ARFGAP2: variants seen among roughly 807,000 people sequenced by gnomAD.
ARFGAP2 encodes ADP-ribosylation factor GTPase-activating protein 2.
A neutral mutation model predicts 71.9 loss-of-function variants in ARFGAP2; 45 were observed. That is an observed-to-expected ratio of 0.63 (90% confidence interval 0.49 to 0.80). The LOEUF (loss-of-function observed/expected upper bound fraction) is 0.80, where lower values mean the gene tolerates loss of function less well. Ranked by LOEUF, ARFGAP2 falls within the 30% of genes least tolerant of loss-of-function variation. The pLI is 0.00. For missense variants in ARFGAP2, 633 were observed against 673.9 expected (o/e 0.94, Z 0.67); for synonymous variants, 248 against 249.2 (o/e 1.00, Z 0.05).
In ARFGAP2 at chr11:47,165,064, G is replaced by A. The variant is rs191448928; in HGVS notation, c.*418C>T. 4.6e-5 allele frequency: 8 copies of A among 173,252 alleles called. No individual in the cohort carries two copies. Among genetic ancestry groups the A allele is most frequent in the Admixed American group, 4.4e-4 (7 of 15,854 alleles). The allele number at this position is 173,252 out of a possible 1,614,324, so 10.7% of individuals were successfully genotyped here. A position where few individuals can be genotyped will look rare whatever the true frequency, so the allele number is the denominator to read the frequency against. On this transcript the variant is annotated 3_prime_UTR_variant, in exon 16 of 16. Coordinates refer to ENST00000524782, the MANE Select transcript of ARFGAP2 (RefSeq NM_032389.6). ...GGCCTCCCCCTGGTTCCAGAGGATG[G>A]GGACCCAAGGCCTCGAACTAGAAGA...
chr11:47,171,899 T>A, intron 8 of ARFGAP2, 99 bp from the exon 9 acceptor site: 1 of 1,507,388 alleles, frequency 6.6e-7, no homozygotes, highest in East Asian at 2.3e-5. Context: ...AAAAGGCCCT[T>A]CTTAAAATTT....
chr11:47,170,231 G>A (rs1213284691), intron 10 of ARFGAP2, among the ~76,000 whole-genome samples: 1 of 149,366 alleles, frequency 6.7e-6, no homozygotes, highest in Non-Finnish European at 1.5e-5. Context: ...GGCTGAGGCA[G>A]GAGAATTGCT....
At chr11:47,173,510 AT>A (rs1288675233) in intron 6 of ARFGAP2, 28 bp from the exon 7 acceptor site, 1 of 1,541,526 alleles carries the variant, frequency 6.5e-7, no homozygotes, top group Non-Finnish European at 8.8e-7. Context: ...GGAGTTAGAG[AT>A]GAGCTCCTAG....
In ARFGAP2 at chr11:47,166,348, T is replaced by A; in HGVS notation, c.1465A>T (p.Ile489Phe). Residue 489 changes from isoleucine (I) to phenylalanine (F), a missense_variant, in exon 15 of 16, where the codon ATT (isoleucine) becomes TTT (phenylalanine). Transcript: ENST00000524782. Reference sequence around the variant, plus strand: ...TTGACACCCTGCTTAAACTGGGCAATGTCCGCTGTAGGCAGCACGTTCCCC... The same window carrying A: ...TTGACACCCTGCTTAAACTGGGCAAAGTCCGCTGTAGGCAGCACGTTCCCC... The part of the protein sequence containing the change: ...SLGNVLPTAD[I>F]AQFKQGVKSV... 6.2e-7 allele frequency: 1 copy of A among 1,614,228 alleles called. No homozygotes were observed. Among genetic ancestry groups the A allele is most frequent in the Non-Finnish European group, 8.5e-7 (1 of 1,180,036 alleles).
At chr11:47,169,240 G>A (rs977326083) in intron 10 of ARFGAP2, 5 of 151,810 alleles carry the variant, frequency 3.3e-5, no homozygotes, top group Non-Finnish European at 7.4e-5. Flanking sequence ...CGTGAACTTG[G>A]GGGGCGGAGC....
intron 7 of ARFGAP2, among the ~76,000 whole-genome samples, chr11:47,172,559 C>T (rs1484763509): frequency 6.6e-6 from 1 of 152,176 alleles, no homozygotes; most frequent in African/African-American, 2.4e-5. Context: ...AGACCTGAAG[C>T]ACCAGAGACG....
At position 47,171,658 on chromosome 11, in the gene ARFGAP2, A is replaced by G. The variant is rs114371790; in HGVS notation, c.809+6T>C. 1,950 of 1,613,720 alleles carry G rather than the reference A, an allele frequency of 1.2e-3. 17 individuals carry two copies. In the African/African-American group the frequency reaches 0.022, roughly 19 times the overall value. ...GAAGCCTGAGGCCCCGGCAGCAAAC[A>G]CTTACATGGACTCCTCCGCCTGCTT... is the stretch of plus-strand genomic sequence containing the variant. On this transcript the variant is annotated splice_donor_region_variant and intron_variant, in intron 9 of 15. Coordinates refer to ENST00000524782, the MANE Select transcript of ARFGAP2 (RefSeq NM_032389.6).
Position 47,176,821 on chromosome 11 carries a change from C to A in ARFGAP2, c.33G>T (p.Gln11His), listed in dbSNP as rs1409113356. ...CTGCGCGAAGCCTCTTAAAAAGAGT[C>A]TGGATTTCGGTCTTGTTCGGCTCCG... MAAEPNKTEI[Q>H]TLFKRLRAVP... The change falls in exon 1 of 16, where the codon CAG becomes CAT. Residue 11 changes from glutamine to histidine, a missense_variant. Physicochemically the swap from Gln to His is conservative, Grantham distance 24. Transcript: ENST00000524782. 6.2e-7 allele frequency: 1 copy of A among 1,614,022 alleles called. No individual in the cohort carries two copies. Among genetic ancestry groups the A allele is most frequent in the Non-Finnish European group, 8.5e-7 (1 of 1,180,028 alleles).
chr11:47,175,033 GA>G lies in ARFGAP2; in HGVS notation c.461del (p.Phe154SerfsTer55). On this transcript the variant is annotated frameshift_variant, in exon 5 of 16. Transcript: ENST00000524782. LOFTEE classifies it high-confidence loss of function. ...NHSPEKKDSDFFTEHTQPPAW... is the reference protein window; with the variant it reads ...NHSPEKKDSDXFTEHTQPPAW... ...CACTCACTTGAGTGTGTTCTGTGAA[GA>G]AATCAGAGTCCTTCTTCTCTGGGGA... is the stretch of plus-strand genomic sequence containing the variant. The G allele has an allele frequency of 6.2e-7, 1 of 1,614,228 alleles. No homozygotes were observed. The highest frequency in any genetic ancestry group is 8.5e-7 in the Non-Finnish European group (1 of 1,180,032).
In ARFGAP2 at chr11:47,175,164, C is replaced by T; in HGVS notation, c.396+18G>A. On this transcript the variant is annotated intron_variant, in intron 4 of 15. Transcript: ENST00000524782. The stretch of plus-strand genomic sequence containing the variant: ...TACTCCTAACCCTCCTGCCCCAGCC[C>T]CAAGAACAGGCACTTACATCAGTGC... 6.2e-7 allele frequency: 1 copy of T among 1,614,082 alleles called. No individual in the cohort carries two copies. The highest frequency in any genetic ancestry group is 1.3e-5 in the African/African-American group (1 of 75,046).
At chr11:47,173,342 C>T (rs1402627657) in intron 7 of ARFGAP2, 84 bp downstream of exon 7, 17 of 1,472,940 alleles carry the variant, frequency 1.2e-5, no homozygotes, top group South Asian at 4.9e-5. Context: ...TCTGTCCACA[C>T]GGCCAGGCAG....
At chr11:47,174,194 C>G (rs977035033) in intron 5 of ARFGAP2, among the ~76,000 whole-genome samples, 1 of 152,150 alleles carries the variant, frequency 6.6e-6, no homozygotes, top group African/African-American at 2.4e-5. Context: ...ATTTTAGAAA[C>G]TGAGGTTTTG....
chr11:47,168,402 A>G, intron 10 of ARFGAP2, 151 bp from the exon 11 acceptor site: 1 of 982,576 alleles, frequency 1.0e-6, no homozygotes, highest in Non-Finnish European at 1.5e-6. Flanking sequence ...GCCAGACCCC[A>G]ACAGAAGGCT....
intron 7 of ARFGAP2, 124 bp from the exon 8 acceptor site, chr11:47,172,457 C>T (rs765560204): frequency 2.9e-5 from 36 of 1,224,560 alleles, no homozygotes; most frequent in Non-Finnish European, 4.0e-5. Context: ...GAAGGCAAAG[C>T]TGCCACCACC....
In ARFGAP2 at chr11:47,170,512, T is replaced by A. The variant is rs1428039383; in HGVS notation, c.941+914A>T. Among the ~76,000 whole-genome samples, 6 of 151,960 alleles carry A rather than the reference T, an allele frequency of 3.9e-5. No homozygotes were observed. In the East Asian group the frequency reaches 1.2e-3, roughly 29 times the overall value. ...AATACAAAAAATTAGCCAGACACGGTGGTACACACCTGTAATCCCAGCTGC... is the reference window on the plus strand; with the variant it reads ...AATACAAAAAATTAGCCAGACACGGAGGTACACACCTGTAATCCCAGCTGC... On this transcript the variant is annotated intron_variant, in intron 10 of 15. Transcript: ENST00000524782.
chr11:47,166,594 C>T lies in ARFGAP2; in HGVS notation c.1338G>A (p.Glu446=). The T allele has an allele frequency of 6.2e-7, 1 of 1,612,024 alleles. No individual in the cohort carries two copies. The highest frequency in any genetic ancestry group is 8.5e-7 in the Non-Finnish European group (1 of 1,179,946). Reference sequence around the variant, plus strand: ...AGAGCTGCTGCAGCCGAGACCTGGCCTCATACTGTGGTGAGGAAAAGGCCA... The same window carrying T: ...AGAGCTGCTGCAGCCGAGACCTGGCTTCATACTGTGGTGAGGAAAAGGCCA... The part of the protein sequence containing the change: ...FFGREVDAEY[E]ARSRLQQLSG... The change falls in exon 14 of 16, where the codon GAG becomes GAA. Residue 446 remains glutamate (E), a synonymous_variant. Transcript: ENST00000524782.
chr11:47,166,162 G>GAAA, intron 15 of ARFGAP2, 106 bp downstream of exon 15: 2 of 1,210,646 alleles, frequency 1.7e-6, no homozygotes, highest in Non-Finnish European at 2.4e-6. Context: ...ACACCCGGCC[G>GAAA]AAAATGCTCT....
rs748251170 is a variant in ARFGAP2, at chr11:47,166,270, G to A, written c.1543C>T (p.Gln515Ter). The change falls in exon 15 of 16, where the codon CAG becomes TAG. Residue 515 changes from glutamine to a stop codon, truncating the protein, a stop_gained and splice_region_variant. Coordinates refer to ENST00000524782, the MANE Select transcript of ARFGAP2 (RefSeq NM_032389.6). LOFTEE classifies it high-confidence loss of function. ...VLANGVMNSLQDRYGSY is the reference protein window; with the variant it reads ...VLANGVMNSL ...ATTAGGCCCCACTTCAGCCTCACCT[G>A]CAAGGAATTCATCACACCATTGGCC... 1.2e-6 allele frequency: 2 copies of A among 1,614,106 alleles called. No individual in the cohort carries two copies. The highest frequency in any genetic ancestry group is 4.5e-5 in the East Asian group (2 of 44,862).
rs1590967077 is a variant in ARFGAP2, at chr11:47,176,848, C to T, written c.6G>A (p.Ala2=). The stretch of plus-strand genomic sequence containing the variant: ...GGATTTCGGTCTTGTTCGGCTCCGC[C>T]GCCATTTTCTCTCCTTCCCAGACAC... M[A]AEPNKTEIQT... Residue 2 remains alanine (A), a synonymous_variant, in exon 1 of 16, where the codon GCG becomes GCA. Transcript: ENST00000524782. The T allele has an allele frequency of 1.2e-6, 2 of 1,613,506 alleles. No individual in the cohort carries two copies. The highest frequency in any genetic ancestry group is 1.7e-6 in the Non-Finnish European group (2 of 1,179,894).
Sources: gnomAD v4.1 joint callset for allele counts (sites outside exome capture counted in the v4.1 genomes callset) on GRCh38, gnomAD v4.1.1 for gene constraint, MANE v1.5 for transcripts, NCBI Gene and HGNC (gene_info 2026-07-23, HGNC 2026-07-21) for gene names.